The following KCNMB2 variants were observed in gnomAD, a reference collection of about 807,000 sequenced individuals.
The protein encoded by KCNMB2 is calcium-activated potassium channel subunit beta-2.
A neutral mutation model predicts 24.5 loss-of-function variants in KCNMB2; 9 were observed. That is an observed-to-expected ratio of 0.37 (90% confidence interval 0.22 to 0.64). The LOEUF (loss-of-function observed/expected upper bound fraction) is 0.64, where lower values mean the gene tolerates loss of function less well. Among genes scored for constraint, KCNMB2 ranks in the 30% least tolerant of loss-of-function variants. The pLI is 0.63. For synonymous variants in KCNMB2, 109 were observed against 104.4 expected, an observed-to-expected ratio of 1.04 and a Z score of -0.27; for missense variants, 226 against 284.3, an observed-to-expected ratio of 0.79 and a Z score of 1.47.
At chr3:178,590,709 G>A (rs1717637989) in intron 1 of KCNMB2, among the ~76,000 whole-genome samples, 1 of 152,142 alleles carries the variant, frequency 6.6e-6, no homozygotes, top group Non-Finnish European at 1.5e-5. Flanking sequence ...CTTGCCTTGA[G>A]CCATACAGCT....
chr3:178,699,315 G>T (rs1032671386), intron 1 of KCNMB2, among the ~76,000 whole-genome samples: 2 of 152,242 alleles, frequency 1.3e-5, no homozygotes, highest in African/African-American at 4.8e-5. Context: ...AAGGCTCCCT[G>T]CAATGGTGGT....
intron 1 of KCNMB2, among the ~76,000 whole-genome samples, chr3:178,541,303 T>A (rs1047212208): frequency 6.6e-6 from 1 of 152,184 alleles, no homozygotes; most frequent in African/African-American, 2.4e-5. Context: ...AGATCTCCTA[T>A]ACAAATGACT....
chr3:178,656,015 T>C (rs960679277), intron 1 of KCNMB2, among the ~76,000 whole-genome samples: 1 of 152,272 alleles, frequency 6.6e-6, no homozygotes, highest in Non-Finnish European at 1.5e-5. Context: ...CTTTTCTCCT[T>C]TAGTAAAAGG....
At chr3:178,817,347 T>G (rs144603153) in intron 2 of KCNMB2, among the ~76,000 whole-genome samples, 1 of 151,886 alleles carries the variant, frequency 6.6e-6, no homozygotes, top group East Asian at 1.9e-4. Flanking sequence ...TACCATAAAA[T>G]ATATACCTAC....
chr3:178,707,135 T>C (rs1031661971), intron 1 of KCNMB2, among the ~76,000 whole-genome samples: 3 of 152,076 alleles, frequency 2.0e-5, no homozygotes, highest in Admixed American at 2.0e-4. Flanking sequence ...GTGATACTTA[T>C]TTTCAGGGTC....
intron 1 of KCNMB2, among the ~76,000 whole-genome samples, chr3:178,638,600 A>G (rs556218758): frequency 6.6e-6 from 1 of 152,226 alleles, no homozygotes; most frequent in Non-Finnish European, 1.5e-5. Context: ...AATACTCACT[A>G]AAAGACACTC....
chr3:178,740,654 T>C (rs1723465956), intron 1 of KCNMB2, among the ~76,000 whole-genome samples: 1 of 152,228 alleles, frequency 6.6e-6, no homozygotes. Flanking sequence ...TGTATCATTA[T>C]TCACCATCAT....
chr3:178,675,420 A>G (rs899551327), intron 1 of KCNMB2, among the ~76,000 whole-genome samples: 4 of 152,286 alleles, frequency 2.6e-5, no homozygotes, highest in Admixed American at 6.5e-5. Flanking sequence ...TTCAGTTTAG[A>G]GGGATGAACT....
At chr3:178,562,770 C>T (rs1716371031) in intron 1 of KCNMB2, among the ~76,000 whole-genome samples, 1 of 152,184 alleles carries the variant, frequency 6.6e-6, no homozygotes, top group South Asian at 2.1e-4. Context: ...GGCTAGATTG[C>T]ATCTAGGTTC....
intron 1 of KCNMB2, among the ~76,000 whole-genome samples, chr3:178,703,509 A>C (rs1722174657): frequency 7.5e-6 from 1 of 132,850 alleles, no homozygotes; most frequent in Non-Finnish European, 1.6e-5. Context: ...TCAGGCACCC[A>C]CCCCCCCAAA....
chr3:178,539,257 A>G (rs1198538425), intron 1 of KCNMB2, among the ~76,000 whole-genome samples: 1 of 152,200 alleles, frequency 6.6e-6, no homozygotes, highest in Non-Finnish European at 1.5e-5. Context: ...TATTTCTGCT[A>G]TGATATCAAA....
intron 1 of KCNMB2, among the ~76,000 whole-genome samples, chr3:178,769,673 TC>T (rs1712264867): frequency 6.6e-6 from 1 of 152,198 alleles, no homozygotes; most frequent in Non-Finnish European, 1.5e-5. Context: ...CCAATCAAGA[TC>T]CTACGAGAAT....
chr3:178,791,086 C>A (rs865890234), intron 1 of KCNMB2, among the ~76,000 whole-genome samples: 2 of 152,270 alleles, frequency 1.3e-5, no homozygotes, highest in Middle Eastern at 3.4e-3. Flanking sequence ...TCCACAAGCA[C>A]CGATACCATC....
At position 178,594,071 on chromosome 3, in the gene KCNMB2, T is replaced by C. The variant is rs145248436; in HGVS notation, c.-68+57360T>C. 3.0e-3 allele frequency among the ~76,000 whole-genome samples: 454 copies of C among 151,880 alleles called. 2 individuals are homozygous for C. The highest frequency in any genetic ancestry group is 0.01 in the African/African-American group (434 of 41,372). ...CCCTCCTTACCTACCCAAGTGTGCC[T>C]GGCATATTTGAGGAATATCAGGAAG... is the stretch of plus-strand genomic sequence containing the variant. On this transcript the variant is annotated intron_variant, in intron 1 of 4. Transcript: ENST00000452583.
intron 1 of KCNMB2, among the ~76,000 whole-genome samples, chr3:178,665,883 A>T (rs1349069570): frequency 2.0e-5 from 3 of 152,186 alleles, no homozygotes; most frequent in Non-Finnish European, 4.4e-5. Flanking sequence ...AACTATTCCT[A>T]GCAACTTTTC....
chr3:178,648,071 T>C (rs1719982135), intron 1 of KCNMB2, among the ~76,000 whole-genome samples: 1 of 152,164 alleles, frequency 6.6e-6, no homozygotes, highest in South Asian at 2.1e-4. Context: ...TCTCATCAAG[T>C]GCATGCAGAG....
chr3:178,633,712 C>T (rs1381002383), intron 1 of KCNMB2, among the ~76,000 whole-genome samples: 2 of 152,246 alleles, frequency 1.3e-5, no homozygotes, highest in East Asian at 3.9e-4. Flanking sequence ...TCCCCATTGC[C>T]TTGGCAATTA....
At chr3:178,696,702 T>C (rs1342957096) in intron 1 of KCNMB2, among the ~76,000 whole-genome samples, 1 of 152,228 alleles carries the variant, frequency 6.6e-6, no homozygotes, top group Non-Finnish European at 1.5e-5. Flanking sequence ...GGTTGTTAAC[T>C]TGAGATCTTT....
intron 1 of KCNMB2, among the ~76,000 whole-genome samples, chr3:178,598,529 A>T (rs1339074834): frequency 6.6e-6 from 1 of 152,100 alleles, no homozygotes; most frequent in Admixed American, 6.6e-5. Flanking sequence ...TTTAGAAAGA[A>T]AGCTATGATT....
Sources: allele counts gnomAD v4.1 joint callset (sites outside exome capture counted in the v4.1 genomes callset), GRCh38; gene constraint gnomAD v4.1.1; transcripts MANE v1.5; gene names NCBI Gene and HGNC (gene_info 2026-07-23, HGNC 2026-07-21).